Variants in CCDC33 observed in about 807,000 individuals in gnomAD.
CCDC33 encodes coiled-coil domain-containing protein 33.
Under a neutral mutation model 91.9 loss-of-function variants are expected in CCDC33, and 94 were observed. The observed-to-expected ratio is 1.02, with a 90% CI of 0.87 to 1.21. The LOEUF is 1.21. Among genes scored for constraint, CCDC33 ranks in the 50% most tolerant of loss-of-function variants. The pLI is 0.00. For synonymous variants in CCDC33, 396 were observed against 374.5 expected, an observed-to-expected ratio of 1.06 and a Z score of -0.66; for missense variants, 940 against 935.5, an observed-to-expected ratio of 1.00 and a Z score of -0.06.
At chr15:74,268,302 T>TCTCCTTC (rs760965801) in intron 4 of CCDC33, 40 bp from the exon 5 acceptor site, 2 of 1,441,490 alleles carry the variant, frequency 1.4e-6, no homozygotes, top group South Asian at 2.3e-5. Context: ...CCTTAGACAC[T>TCTCCTTC]CTCCTTCCTC....
intron 3 of CCDC33, 129 bp from the exon 4 acceptor site, chr15:74,266,549 T>A: frequency 1.4e-6 from 1 of 701,248 alleles, no homozygotes. Flanking sequence ...TGTGTGTGCA[T>A]GTTGATTCCT....
intron 2 of CCDC33, among the ~76,000 whole-genome samples, chr15:74,211,656 G>C (rs576810859): frequency 6.6e-6 from 1 of 151,898 alleles, no homozygotes; most frequent in Non-Finnish European, 1.5e-5. Flanking sequence ...TGCCCACCTC[G>C]GCCTCCCAAA....
chr15:74,239,033 A>T (rs1256592105), intron 1 of CCDC33, among the ~76,000 whole-genome samples: 1 of 152,250 alleles, frequency 6.6e-6, no homozygotes, highest in Admixed American at 6.5e-5. Context: ...ATGGGGGACC[A>T]TTTTTAACTG....
At chr15:74,268,709 G>A (rs1002307855) in intron 5 of CCDC33, among the ~76,000 whole-genome samples, 7 of 152,230 alleles carry the variant, frequency 4.6e-5, no homozygotes, top group Admixed American at 2.0e-4. Context: ...TGGAGGTGGC[G>A]GGGAGGGGCT....
chr15:74,306,594 G>A (rs916092683), intron 11 of CCDC33, among the ~76,000 whole-genome samples: 1 of 152,180 alleles, frequency 6.6e-6, no homozygotes, highest in African/African-American at 2.4e-5. Flanking sequence ...AAGGCACTGT[G>A]GGGCCCCAGG....
Position 74,244,076 on chromosome 15 carries a change from T to C in CCDC33, c.113T>C (p.Met38Thr). Residue 38 changes from methionine (M) to threonine (T), a missense_variant, in exon 2 of 19, where the codon ATG becomes ACG. Transcript: ENST00000398814. This position sits in a 1 kb window ranked among gnomAD's most constrained non-coding sequence, Gnocchi z 4.2. ...HLSPSKKETI[M>T]VTLHGATNLP... ...TCTCCCTCTAAGAAGGAGACCATCA[T>C]GGTCACCCTCCATGGGGCTACCAAC... The C allele has an allele frequency of 6.2e-7, 1 of 1,614,048 alleles. No homozygotes were observed. Among genetic ancestry groups the C allele is most frequent in the South Asian group, 1.1e-5 (1 of 91,070 alleles).
chr15:74,236,811 T>C, intron 1 of CCDC33, 71 bp downstream of exon 1: 1 of 1,485,204 alleles, frequency 6.7e-7, no homozygotes. Context: ...CTTCAAAGTT[T>C]TGTTTGCTCC....
At chr15:74,254,711 C>T (rs1825910106) in intron 2 of CCDC33, among the ~76,000 whole-genome samples, 1 of 151,736 alleles carries the variant, frequency 6.6e-6, no homozygotes, top group Admixed American at 6.6e-5. Flanking sequence ...CTGGCTCAGT[C>T]CTTGGCCTCT....
At chr15:74,212,461 G>C (rs2074377218), upstream of CCDC33, 1 of 152,298 alleles carries the variant, frequency 6.6e-6, no homozygotes, top group African/African-American at 2.4e-5. Context: ...CTTGAGGGAT[G>C]ACCCAAGACT....
intron 3 of CCDC33, among the ~76,000 whole-genome samples, chr15:74,263,743 G>A (rs548409152): frequency 1.3e-5 from 2 of 152,324 alleles, no homozygotes; most frequent in African/African-American, 2.4e-5. Flanking sequence ...TGTGTGCTGT[G>A]TCTGTACTTG....
chr15:74,322,519 C>A (rs981752122), intron 11 of CCDC33, among the ~76,000 whole-genome samples: 4 of 152,358 alleles, frequency 2.6e-5, no homozygotes, highest in African/African-American at 9.6e-5. Flanking sequence ...TCAAGATTCA[C>A]TGAGTGACTT....
chr15:74,288,273 A>G (rs546441490), intron 10 of CCDC33, among the ~76,000 whole-genome samples: 2 of 152,004 alleles, frequency 1.3e-5, no homozygotes, highest in African/African-American at 2.4e-5. Flanking sequence ...TGTCAGCCCT[A>G]CTGACATTTG....
rs745797108 is a variant in CCDC33 at position 74,280,789 on chromosome 15, G to GC, written c.1012dup (p.Leu338ProfsTer13). On this transcript the variant is annotated frameshift_variant, in exon 9 of 19. Transcript: ENST00000398814. LOFTEE classifies it high-confidence loss of function. The stretch of plus-strand genomic sequence containing the variant: ...GCTTGGACGGGCTTCACGTGGAGCG[G>GC]CTCCCCATCATGGTGAGCCCCCTGC... 1 of 1,535,972 alleles carries GC rather than the reference G, an allele frequency of 6.5e-7. No individual in the cohort carries two copies. The highest frequency in any genetic ancestry group is 2.0e-5 in the Admixed American group (1 of 49,850).
At chr15:74,225,267 G>A (rs1462600123) in intron 2 of CCDC33, among the ~76,000 whole-genome samples, 1 of 151,996 alleles carries the variant, frequency 6.6e-6, no homozygotes, top group Non-Finnish European at 1.5e-5. Flanking sequence ...CCAGGGAAGG[G>A]AAATGTGGTG....
At chr15:74,245,753 A>AGGTGGGGGGGGG (rs2075507486) in intron 2 of CCDC33, among the ~76,000 whole-genome samples, 1 of 53,168 alleles carries the variant, frequency 1.9e-5, no homozygotes, top group South Asian at 7.0e-4. Flanking sequence ...GTGGGGCGGG[A>AGGTGGGGGGGGG]GGGTGGGGAC....
intron 5 of CCDC33, among the ~76,000 whole-genome samples, chr15:74,269,810 C>T (rs2076266470): frequency 6.6e-6 from 1 of 152,228 alleles, no homozygotes; most frequent in Admixed American, 6.5e-5. Flanking sequence ...GAGCAGCTGC[C>T]TGCTCCTGAT....
At chr15:74,296,604 C>T (rs1390713749) in intron 11 of CCDC33, among the ~76,000 whole-genome samples, 1 of 152,032 alleles carries the variant, frequency 6.6e-6, no homozygotes, top group Non-Finnish European at 1.5e-5. Context: ...CCAGCCTGGG[C>T]AACAAGAGTG....
At chr15:74,269,193 T>A (rs2076249507) in intron 5 of CCDC33, among the ~76,000 whole-genome samples, 1 of 152,100 alleles carries the variant, frequency 6.6e-6, no homozygotes, top group Non-Finnish European at 1.5e-5. Context: ...AAACTGCCCA[T>A]GGGTGACAGA....
chr15:74,272,959 G>A (rs1464074735), intron 7 of CCDC33, 68 bp downstream of exon 7: 21 of 1,589,724 alleles, frequency 1.3e-5, no homozygotes, highest in Non-Finnish European at 8.6e-7. Flanking sequence ...CACTCACTCA[G>A]TGAGTCAGTC....
Sources: allele counts gnomAD v4.1 joint callset (sites outside exome capture counted in the v4.1 genomes callset), GRCh38; gene constraint gnomAD v4.1.1; non-coding constraint Gnocchi (gnomAD v3.1); transcripts MANE v1.5; gene names NCBI Gene and HGNC (gene_info 2026-07-23, HGNC 2026-07-21).